The following RASGRF2 variants were observed in gnomAD, a reference collection of about 807,000 sequenced individuals.
RASGRF2 encodes the protein ras-specific guanine nucleotide-releasing factor 2.
A neutral mutation model predicts 151.0 loss-of-function variants in RASGRF2; 76 were observed. That is an observed-to-expected ratio of 0.50 (90% CI 0.42 to 0.61). RASGRF2 has a LOEUF of 0.61. Ranked by LOEUF, RASGRF2 falls within the 20% of genes least tolerant of loss-of-function variation. RASGRF2 has a pLI of 0.00. For synonymous variants in RASGRF2, 504 were observed against 566.5 expected (o/e 0.89, Z 1.57); for missense variants, 1,148 against 1,564.6 (o/e 0.73, Z 4.49).
At chr5:81,076,929 C>T (rs533489330) in intron 5 of RASGRF2, among the ~76,000 whole-genome samples, 1 of 152,288 alleles carries the variant, frequency 6.6e-6, no homozygotes, top group Admixed American at 6.5e-5. Context: ...TGCATGGATG[C>T]AGGTGCAGAG....
intron 17 of RASGRF2, among the ~76,000 whole-genome samples, chr5:81,177,983 C>G (rs1394970191): frequency 6.6e-6 from 1 of 152,154 alleles, no homozygotes. Context: ...AGTTTGTGTT[C>G]AGGAGTTTTG....
intron 1 of RASGRF2, among the ~76,000 whole-genome samples, chr5:80,999,261 G>T (rs935950699): frequency 1.3e-5 from 2 of 152,146 alleles, no homozygotes; most frequent in African/African-American, 2.4e-5. Flanking sequence ...ACTTTATGGG[G>T]ATAAGATGGG....
chr5:80,979,141 T>G (rs1748220548), intron 1 of RASGRF2, among the ~76,000 whole-genome samples: 1 of 152,198 alleles, frequency 6.6e-6, no homozygotes, highest in South Asian at 2.1e-4. Flanking sequence ...TTTTAGCTAC[T>G]ATGATTAGGG....
chr5:81,000,325 TCCA>T, intron 1 of RASGRF2, among the ~76,000 whole-genome samples: 1 of 152,222 alleles, frequency 6.6e-6, no homozygotes, highest in Admixed American at 6.5e-5. Flanking sequence ...CACTTCAACC[TCCA>T]CCTCCTGGGT....
chr5:81,216,348 T>TACACACACACACACACACACGC (rs1755734822), intron 24 of RASGRF2, among the ~76,000 whole-genome samples: 1 of 147,524 alleles, frequency 6.8e-6, no homozygotes, highest in Admixed American at 6.7e-5. Flanking sequence ...ATTCCCTTTC[T>TACACACACACACACACACACGC]ACACACACAC....
chr5:81,134,091 TGTGTGTGTGTGTGTGTGTGA>T (rs1753694082), intron 17 of RASGRF2, among the ~76,000 whole-genome samples: 1 of 151,516 alleles, frequency 6.6e-6, no homozygotes, highest in African/African-American at 2.4e-5. Context: ...TGTGTGTGTG[TGTGTGTGTGTGTGTGTGTGA>T]GTGAATATTT....
At chr5:81,010,963 C>T (rs559985536) in intron 1 of RASGRF2, among the ~76,000 whole-genome samples, 12 of 152,110 alleles carry the variant, frequency 7.9e-5, no homozygotes, top group African/African-American at 2.9e-4. Context: ...TGCAGCATTG[C>T]GTTTGTATGT....
At chr5:81,093,170 A>G (rs1752440637) in intron 10 of RASGRF2, among the ~76,000 whole-genome samples, 1 of 152,256 alleles carries the variant, frequency 6.6e-6, no homozygotes, top group African/African-American at 2.4e-5. Context: ...TTAAGTATGC[A>G]TCACCATAAA....
chr5:81,132,070 C>T (rs1276521431), intron 17 of RASGRF2, among the ~76,000 whole-genome samples: 2 of 152,162 alleles, frequency 1.3e-5, no homozygotes, highest in East Asian at 1.9e-4. Context: ...TTGTTTTTTT[C>T]CTCAACACTT....
At chr5:81,222,208 T>C (rs1440308655) in intron 26 of RASGRF2, among the ~76,000 whole-genome samples, 1 of 152,160 alleles carries the variant, frequency 6.6e-6, no homozygotes, top group Non-Finnish European at 1.5e-5. Flanking sequence ...TTTATAAATA[T>C]ATCTCTATGT....
intron 1 of RASGRF2, among the ~76,000 whole-genome samples, chr5:81,039,138 T>C (rs1181356105): frequency 6.6e-6 from 1 of 152,212 alleles, no homozygotes; most frequent in African/African-American, 2.4e-5. Flanking sequence ...GATTTGACTC[T>C]TCCTTAGAAT....
At chr5:81,192,859 C>G (rs62364984) in intron 18 of RASGRF2, among the ~76,000 whole-genome samples, 15,739 of 152,198 alleles carry the variant, frequency 0.1, 1,076 homozygotes, top group Middle Eastern at 0.23. Context: ...AACTCTACAC[C>G]ACAATTTAAA....
At chr5:81,001,838 C>T (rs1749091126) in intron 1 of RASGRF2, among the ~76,000 whole-genome samples, 1 of 152,180 alleles carries the variant, frequency 6.6e-6, no homozygotes, top group Non-Finnish European at 1.5e-5. Context: ...AGAGATTCTG[C>T]AATATGGTAG....
In RASGRF2 at chr5:81,092,794, T is replaced by C; in HGVS notation, c.1391-7T>C. On this transcript the variant is annotated splice_region_variant and splice_polypyrimidine_tract_variant and intron_variant, in intron 9 of 26. Coordinates refer to ENST00000265080, the MANE Select transcript of RASGRF2 (RefSeq NM_006909.3). Reference sequence around the variant, plus strand: ...TGCTGTGTATTCTTCATTTTTGTAATCACCAGGTTCTCTTATTCAAGTACC... The same window carrying C: ...TGCTGTGTATTCTTCATTTTTGTAACCACCAGGTTCTCTTATTCAAGTACC... 1 of 1,607,594 alleles carries C rather than the reference T, an allele frequency of 6.2e-7. No individual in the cohort carries two copies. The highest frequency in any genetic ancestry group is 8.5e-7 in the Non-Finnish European group (1 of 1,177,116).
chr5:81,007,612 A>G (rs996479791), intron 1 of RASGRF2, among the ~76,000 whole-genome samples: 2 of 152,184 alleles, frequency 1.3e-5, no homozygotes, highest in Non-Finnish European at 2.9e-5. Context: ...ATTCACGCCA[A>G]CAAACTCAAC....
chr5:81,158,064 C>G (rs73768025), intron 17 of RASGRF2, among the ~76,000 whole-genome samples: 2 of 152,074 alleles, frequency 1.3e-5, no homozygotes, highest in Non-Finnish European at 2.9e-5. Context: ...CTCAAAATAG[C>G]CAAACCATCT....
At chr5:81,057,928 C>A (rs560226133) in intron 2 of RASGRF2, among the ~76,000 whole-genome samples, 2 of 151,792 alleles carry the variant, frequency 1.3e-5, no homozygotes, top group Non-Finnish European at 2.9e-5. Context: ...CCCAGGAGGT[C>A]GAGGCTGCAG....
At chr5:81,171,199 C>G (rs1285390034) in intron 17 of RASGRF2, among the ~76,000 whole-genome samples, 2 of 152,206 alleles carry the variant, frequency 1.3e-5, no homozygotes, top group Non-Finnish European at 2.9e-5. Context: ...ACTGAACACA[C>G]TTTAAATGCA....
chr5:81,063,792 C>CA (rs1561586865), intron 2 of RASGRF2, among the ~76,000 whole-genome samples: 2 of 151,868 alleles, frequency 1.3e-5, no homozygotes. Context: ...TAGTAATTAT[C>CA]TTTTTTTTCC....
Sources: gnomAD v4.1 joint callset for allele counts (sites outside exome capture counted in the v4.1 genomes callset) on GRCh38, gnomAD v4.1.1 for gene constraint, MANE v1.5 for transcripts, NCBI Gene and HGNC (gene_info 2026-07-23, HGNC 2026-07-21) for gene names.